The following PTN variants were observed in gnomAD, a reference collection of about 807,000 sequenced individuals.
The protein encoded by PTN is heparin affin regulatory protein.
Under a neutral mutation model 24.1 loss-of-function variants are expected in PTN, and 18 were observed. The observed-to-expected ratio is 0.75, with a 90% CI of 0.52 to 1.11. The LOEUF is 1.11. PTN is among the 50% of genes least tolerant of loss of function. The probability of loss-of-function intolerance (pLI) is 0.00; values close to 1 mark genes in which losing one functional copy is unlikely to be tolerated. For synonymous variants in PTN, 78 were observed against 68.6 expected (o/e 1.14, Z -0.67); for missense variants, 163 against 198.8 (o/e 0.82, Z 1.08).
intron 1 of PTN, among the ~76,000 whole-genome samples, chr7:137,279,461 A>G (rs1192466267): frequency 6.6e-6 from 1 of 152,196 alleles, no homozygotes; most frequent in Non-Finnish European, 1.5e-5. Context: ...TGTTCATAGA[A>G]TTTCAGAAAA....
intron 1 of PTN, among the ~76,000 whole-genome samples, chr7:137,282,125 TC>T (rs1189939428): frequency 6.6e-6 from 1 of 152,226 alleles, no homozygotes; most frequent in Non-Finnish European, 1.5e-5. Context: ...TTCTAGAAGC[TC>T]ATGTGAATAG....
At chr7:137,285,835 CA>C (rs1242229401) in intron 1 of PTN, among the ~76,000 whole-genome samples, 1 of 152,210 alleles carries the variant, frequency 6.6e-6, no homozygotes, top group Non-Finnish European at 1.5e-5. Flanking sequence ...TGCCTAGGCA[CA>C]TGGCAAATGG....
chr7:137,303,224 A>T (rs1351792359), intron 1 of PTN, among the ~76,000 whole-genome samples: 1 of 151,990 alleles, frequency 6.6e-6, no homozygotes, highest in African/African-American at 2.4e-5. Context: ...ATCACCAGTT[A>T]TGAGACCCAG....
chr7:137,230,258 ATTC>A (rs1808404662), intron 4 of PTN, among the ~76,000 whole-genome samples: 1 of 151,894 alleles, frequency 6.6e-6, no homozygotes, highest in Non-Finnish European at 1.5e-5. Context: ...CTGTCACCAA[ATTC>A]TTCTTGGTAA....
intron 1 of PTN, among the ~76,000 whole-genome samples, chr7:137,302,153 A>G (rs1299492987): frequency 1.3e-5 from 2 of 152,052 alleles, no homozygotes; most frequent in Non-Finnish European, 2.9e-5. Flanking sequence ...GATGTTGTGC[A>G]TATTATCATA....
intron 4 of PTN, among the ~76,000 whole-genome samples, chr7:137,233,726 C>T (rs1184453390): frequency 6.6e-6 from 1 of 151,508 alleles, no homozygotes; most frequent in Non-Finnish European, 1.5e-5. Flanking sequence ...AATAGAGCAG[C>T]CACAAGGAGA....
chr7:137,335,234 C>A (rs1260276004), intron 1 of PTN, among the ~76,000 whole-genome samples: 1 of 151,612 alleles, frequency 6.6e-6, no homozygotes, highest in Non-Finnish European at 1.5e-5. Flanking sequence ...AAACACTTTT[C>A]ATTAGCTTTT....
rs554468485 is a variant in PTN at position 137,304,649 on chromosome 7, G to T, written c.-2+38790C>A. Among the ~76,000 whole-genome samples, 8 of 152,106 alleles carry T rather than the reference G, an allele frequency of 5.3e-5. No homozygotes were observed. In the South Asian group the frequency reaches 8.3e-4, roughly 16 times the overall value. ...GCAAGTTCTCAAAAATAAAAACTCA[G>T]AAGATGAAAAGCAGCATAGCACATC... On this transcript the variant is annotated intron_variant, in intron 1 of 4. Transcript: ENST00000348225.
At chr7:137,277,916 T>C (rs937410403) in intron 1 of PTN, among the ~76,000 whole-genome samples, 1 of 123,352 alleles carries the variant, frequency 8.1e-6, no homozygotes, top group Non-Finnish European at 1.7e-5. Flanking sequence ...GATAGATAGA[T>C]AGATAGATAG....
intron 1 of PTN, among the ~76,000 whole-genome samples, chr7:137,272,907 T>A (rs322241): frequency 0.89 from 135,149 of 152,278 alleles, 60,034 homozygotes; most frequent in East Asian, 1. Context: ...TACCAGTAAC[T>A]CAAGTCATGG....
At chr7:137,300,481 C>G (rs1344733911) in intron 1 of PTN, among the ~76,000 whole-genome samples, 1 of 151,896 alleles carries the variant, frequency 6.6e-6, no homozygotes, top group Non-Finnish European at 1.5e-5. Context: ...CTGACAGTAA[C>G]AGAGAGGATA....
At chr7:137,248,019 T>C (rs1037418741) in intron 4 of PTN, among the ~76,000 whole-genome samples, 4 of 152,150 alleles carry the variant, frequency 2.6e-5, no homozygotes, top group Non-Finnish European at 4.4e-5. Flanking sequence ...TTTATAATAA[T>C]ACCCACCCGC....
chr7:137,320,121 T>G (rs1337748188), intron 1 of PTN, among the ~76,000 whole-genome samples: 6 of 152,220 alleles, frequency 3.9e-5, no homozygotes, highest in Non-Finnish European at 8.8e-5. Context: ...TGACAATCAT[T>G]GAGCATCCTC....
chr7:137,317,117 G>A (rs73728268), intron 1 of PTN, among the ~76,000 whole-genome samples: 3,580 of 152,256 alleles, frequency 0.024, 137 homozygotes, highest in African/African-American at 0.082. Flanking sequence ...TTCTGAGGCT[G>A]TGTTTGTGAA....
chr7:137,314,863 G>A (rs1810044870), intron 1 of PTN, among the ~76,000 whole-genome samples: 1 of 152,132 alleles, frequency 6.6e-6, no homozygotes, highest in Non-Finnish European at 1.5e-5. Context: ...AAAGTGCTGG[G>A]ATTACAGGTG....
At chr7:137,294,704 G>A (rs746014425) in intron 1 of PTN, among the ~76,000 whole-genome samples, 4 of 152,184 alleles carry the variant, frequency 2.6e-5, no homozygotes, top group Admixed American at 6.5e-5. Context: ...TTCTAGCTAC[G>A]TATCCTTGTG....
At chr7:137,326,394 T>C (rs936715976) in intron 1 of PTN, 3 of 152,196 alleles carry the variant, frequency 2.0e-5, no homozygotes, top group East Asian at 3.9e-4. Flanking sequence ...TCACCCTTCA[T>C]GTACTCACCT....
chr7:137,292,813 C>T (rs1490615215), intron 1 of PTN, among the ~76,000 whole-genome samples: 5 of 151,998 alleles, frequency 3.3e-5, no homozygotes, highest in African/African-American at 7.3e-5. Context: ...ACATGTGGGA[C>T]GCACAGAAAA....
Position 137,254,891 on chromosome 7 carries a change from T to A in PTN, c.83A>T (p.Asp28Val). The change falls in exon 2 of 5, where the codon GAT becomes GTT. Residue 28 changes from aspartate (D) to valine (V), a missense_variant. Physicochemically the swap from Asp to Val is radical, Grantham distance 152. Coordinates refer to ENST00000348225, the MANE Select transcript of PTN (RefSeq NM_002825.7). ...CTCTTTCTTCCCTGCTTCAGCAGTA[T>A]CCACAGCTGCCAGTATGAAAATGAA... ...LAFIFILAAV[D>V]TAEAGKKEKP... 6.3e-7 allele frequency: 1 copy of A among 1,582,756 alleles called. No homozygotes were observed. Among genetic ancestry groups the A allele is most frequent in the Non-Finnish European group, 8.6e-7 (1 of 1,156,732 alleles).
Sources: gnomAD v4.1 joint callset for allele counts (sites outside exome capture counted in the v4.1 genomes callset) on GRCh38, gnomAD v4.1.1 for gene constraint, MANE v1.5 for transcripts, NCBI Gene and HGNC (gene_info 2026-07-23, HGNC 2026-07-21) for gene names.